BANF2: variants seen among roughly 807,000 people sequenced by gnomAD.
BANF2 encodes barrier-to-autointegration factor-like protein.
A neutral mutation model predicts 8.0 loss-of-function variants in BANF2; 4 were observed. The ratio of observed to expected loss-of-function variants is 0.50; its 90% confidence interval spans 0.25 to 1.14. The LOEUF (loss-of-function observed/expected upper bound fraction) is 1.14, where lower values mean the gene tolerates loss of function less well. Ranked by LOEUF, BANF2 falls within the 50% of genes most tolerant of loss-of-function variation. BANF2 has a pLI of 0.16. For missense variants in BANF2, 96 were observed against 107.5 expected (o/e 0.89, Z 0.47); for synonymous variants, 50 against 40.6 (o/e 1.23, Z -0.88).
intron 1 of BANF2, among the ~76,000 whole-genome samples, chr20:17,718,277 T>C (rs1429159176): frequency 6.6e-6 from 1 of 152,214 alleles, no homozygotes; most frequent in Non-Finnish European, 1.5e-5. Flanking sequence ...AGATCTCAGC[T>C]CACTGCAACC....
At chr20:17,726,876 T>C (rs1044759548) in intron 3 of BANF2, among the ~76,000 whole-genome samples, 2 of 152,230 alleles carry the variant, frequency 1.3e-5, no homozygotes, top group Non-Finnish European at 2.9e-5. Context: ...AGTACATAGT[T>C]CTATGAGTTT....
chr20:17,718,806 T>G (rs1422419783), intron 1 of BANF2, among the ~76,000 whole-genome samples: 1 of 152,228 alleles, frequency 6.6e-6, no homozygotes, highest in Non-Finnish European at 1.5e-5. Flanking sequence ...AAGTTGACGC[T>G]CTAAGCATCT....
upstream of BANF2, among the ~76,000 whole-genome samples, chr20:17,698,901 C>A (rs537159585): frequency 7.7e-4 from 118 of 152,338 alleles, 1 homozygote; most frequent in African/African-American, 2.8e-3. Context: ...CTGAATACTG[C>A]CATCAGCTGG....
intron 3 of BANF2, among the ~76,000 whole-genome samples, chr20:17,725,497 C>T (rs1568817926): frequency 6.6e-6 from 1 of 152,334 alleles, no homozygotes; most frequent in South Asian, 2.1e-4. Context: ...CTCCATGCCC[C>T]CATGAAGGGA....
At chr20:17,694,023 C>A (rs66462503) in intron 1 of BANF2, among the ~76,000 whole-genome samples, 20,349 of 152,246 alleles carry the variant, frequency 0.13, 1,357 homozygotes, top group African/African-American at 0.16. Flanking sequence ...ACAGTCTCTC[C>A]TTGTTGCGAT....
chr20:17,699,106 G>C (rs1179092077), upstream of BANF2, among the ~76,000 whole-genome samples: 1 of 152,144 alleles, frequency 6.6e-6, no homozygotes, highest in Non-Finnish European at 1.5e-5. Flanking sequence ...GAGTCTTCCA[G>C]GTCATTCTAA....
chr20:17,701,378 A>G (rs567911052), intron 1 of BANF2, among the ~76,000 whole-genome samples: 2 of 152,290 alleles, frequency 1.3e-5, no homozygotes, highest in South Asian at 4.1e-4. Flanking sequence ...TTCATTCTAC[A>G]GACATAGAAA....
intron 3 of BANF2, among the ~76,000 whole-genome samples, chr20:17,725,675 T>C (rs906740394): frequency 2.0e-5 from 3 of 152,236 alleles, no homozygotes; most frequent in East Asian, 1.9e-4. Context: ...TTCTACGTCA[T>C]TGTTTGTTTT....
intron 3 of BANF2, among the ~76,000 whole-genome samples, chr20:17,733,232 A>C (rs1036934197): frequency 6.6e-6 from 1 of 152,228 alleles, no homozygotes; most frequent in Non-Finnish European, 1.5e-5. Flanking sequence ...ATTAGCCTCC[A>C]GGCCAGACTG....
chr20:17,709,678 G>A (rs2037540584), intron 1 of BANF2, among the ~76,000 whole-genome samples: 1 of 152,196 alleles, frequency 6.6e-6, no homozygotes, highest in Admixed American at 6.5e-5. Context: ...TAATATCTCA[G>A]TGGTTGAGAA....
At chr20:17,706,980 C>A (rs2037490137) in intron 1 of BANF2, among the ~76,000 whole-genome samples, 1 of 152,126 alleles carries the variant, frequency 6.6e-6, no homozygotes, top group African/African-American at 2.4e-5. Context: ...ATCTAAATGC[C>A]ACCAACACCC....
chr20:17,707,119 C>T (rs1240872382), intron 1 of BANF2, among the ~76,000 whole-genome samples: 2 of 152,090 alleles, frequency 1.3e-5, no homozygotes, highest in African/African-American at 4.8e-5. Context: ...CGCAGTGGCT[C>T]ACGCCTGTAA....
At chr20:17,697,269 G>A (rs1398649904), upstream of BANF2, among the ~76,000 whole-genome samples, 1 of 152,214 alleles carries the variant, frequency 6.6e-6, no homozygotes, top group African/African-American at 2.4e-5. Context: ...CCAGGGAGAT[G>A]GAAAGCAGGT....
At chr20:17,730,199 C>A (rs1243897573) in intron 3 of BANF2, among the ~76,000 whole-genome samples, 1 of 152,170 alleles carries the variant, frequency 6.6e-6, no homozygotes, top group Non-Finnish European at 1.5e-5. Flanking sequence ...AAAAAACAAT[C>A]CTACAAAGTA....
intron 1 of BANF2, among the ~76,000 whole-genome samples, chr20:17,709,652 C>T (rs2037540115): frequency 1.3e-5 from 2 of 152,142 alleles, no homozygotes; most frequent in Admixed American, 1.3e-4. Context: ...CCCAGAAGCT[C>T]AATGGAAGCC....
At chr20:17,729,961 C>T (rs539854081) in intron 3 of BANF2, among the ~76,000 whole-genome samples, 5 of 152,270 alleles carry the variant, frequency 3.3e-5, no homozygotes, top group African/African-American at 1.2e-4. Flanking sequence ...CCCTGTGGGG[C>T]GGGTGTGCTT....
intron 3 of BANF2, among the ~76,000 whole-genome samples, chr20:17,730,369 A>C (rs1354650370): frequency 2.0e-5 from 3 of 152,042 alleles, no homozygotes; most frequent in African/African-American, 4.8e-5. Context: ...TCTGCCCCTA[A>C]AACTGAAGCT....
In BANF2 at chr20:17,722,864, C is replaced by T. The variant is rs1033863263; in HGVS notation, c.-18C>T. ...AGCAAGAAGGCGTACACGAGGAGCT[C>T]GACTCTGTAGAAAGGTCTGGAGGAG... On this transcript the variant is annotated 5_prime_UTR_variant, in exon 2 of 4. Transcript: ENST00000246090. 36 of 985,154 alleles carry T rather than the reference C, an allele frequency of 3.7e-5. No homozygotes were observed. Among genetic ancestry groups the T allele is most frequent in the African/African-American group, 5.2e-5 (3 of 57,194 alleles). The allele number at this position is 985,154 out of a possible 1,614,324, so 61.0% of individuals were successfully genotyped here.
At chr20:17,724,100 C>T (rs918638622) in intron 2 of BANF2, among the ~76,000 whole-genome samples, 12 of 152,170 alleles carry the variant, frequency 7.9e-5, no homozygotes, top group South Asian at 2.1e-4. Context: ...CATGATATTT[C>T]GAGATCTTCC....
Sources: allele counts gnomAD v4.1 joint callset (sites outside exome capture counted in the v4.1 genomes callset), GRCh38; gene constraint gnomAD v4.1.1; transcripts MANE v1.5; gene names NCBI Gene and HGNC (gene_info 2026-07-23, HGNC 2026-07-21).